The following TOGARAM2 variants were observed in gnomAD, a reference collection of about 807,000 sequenced individuals.
TOGARAM2 encodes TOG array regulator of axonemal microtubules protein 2.
Under a neutral mutation model 93.3 loss-of-function variants are expected in TOGARAM2, and 85 were observed. That is an observed-to-expected ratio of 0.91 (90% CI 0.76 to 1.09). TOGARAM2 has a LOEUF of 1.09. TOGARAM2 is among the 50% of genes least tolerant of loss of function. The pLI is 0.00. For missense variants in TOGARAM2, 1,277 were observed against 1,334.5 expected, an observed-to-expected ratio of 0.96 and a Z score of 0.67; for synonymous variants, 593 against 552.8, an observed-to-expected ratio of 1.07 and a Z score of -1.02.
rs184999588 is a variant in TOGARAM2, at chr2:29,051,927, G to A, written c.2894G>A (p.Gly965Asp). ...RLSRSLQEHM[G>D]SRLLDFAASQ... is the part of the protein sequence containing the mutation. ...TCCAGGAGCCTCCAGGAGCACATGG[G>A]CTCCCGCCTGCTGGACTTTGCCGCC... Residue 965 changes from glycine to aspartate, a missense_variant, in exon 20 of 20, where the codon GGC (glycine) becomes GAC (aspartate). Coordinates refer to ENST00000379558, the MANE Select transcript of TOGARAM2 (RefSeq NM_199280.4). 7.4e-4 allele frequency: 1,179 copies of A among 1,598,416 alleles called. 1 individual carries two copies. Among genetic ancestry groups the A allele is most frequent in the Non-Finnish European group, 9.6e-4 (1,123 of 1,173,078 alleles).
At chr2:28,998,022 T>A (rs1011230766) in intron 2 of TOGARAM2, 121 bp from the exon 3 acceptor site, 2 of 615,258 alleles carry the variant, frequency 3.3e-6, no homozygotes, top group African/African-American at 1.9e-5. Context: ...ATGCCTTGGT[T>A]TTTTGGGCAG....
chr2:28,957,314 G>A (rs1034250330), intron 1 of TOGARAM2, among the ~76,000 whole-genome samples: 2 of 151,868 alleles, frequency 1.3e-5, no homozygotes, highest in Non-Finnish European at 2.9e-5. Flanking sequence ...TCCTGTAGCC[G>A]GGATTACAGG....
intron 1 of TOGARAM2, among the ~76,000 whole-genome samples, chr2:28,987,500 AG>A (rs1672521394): frequency 6.6e-6 from 1 of 152,174 alleles, no homozygotes; most frequent in African/African-American, 2.4e-5. Flanking sequence ...CATGTTAGCC[AG>A]GATAGTCTCG....
intron 16 of TOGARAM2, among the ~76,000 whole-genome samples, chr2:29,033,792 G>C (rs1009451408): frequency 2.6e-5 from 4 of 152,178 alleles, no homozygotes; most frequent in African/African-American, 9.7e-5. Context: ...GTAGAAGTTG[G>C]TTCCTGCAGT....
intron 13 of TOGARAM2, among the ~76,000 whole-genome samples, 195 bp downstream of exon 13, chr2:29,024,569 C>G (rs1665213634): frequency 6.6e-6 from 1 of 152,082 alleles, no homozygotes; most frequent in Non-Finnish European, 1.5e-5. Flanking sequence ...AAGAAGGGGC[C>G]CATCTCAGAC....
intron 9 of TOGARAM2, 86 bp from the exon 10 acceptor site, chr2:29,017,706 C>T: frequency 7.4e-7 from 1 of 1,359,698 alleles, no homozygotes; most frequent in South Asian, 1.6e-5. Context: ...CTACTTTGGC[C>T]AGCCATGGGT....
At chr2:29,016,667 G>A (rs564901949) in intron 8 of TOGARAM2, among the ~76,000 whole-genome samples, 12 of 152,262 alleles carry the variant, frequency 7.9e-5, no homozygotes, top group East Asian at 1.9e-4. Flanking sequence ...TCCTTGGCCC[G>A]GGTGATGTGG....
intron 1 of TOGARAM2, among the ~76,000 whole-genome samples, chr2:28,986,844 A>G (rs1160391803): frequency 1.3e-5 from 2 of 152,268 alleles, no homozygotes; most frequent in Admixed American, 6.5e-5. Flanking sequence ...TCAGCCTATT[A>G]AATGTTTCTC....
intron 14 of TOGARAM2, among the ~76,000 whole-genome samples, chr2:29,032,384 C>T (rs562977307): frequency 6.6e-6 from 1 of 152,318 alleles, no homozygotes; most frequent in East Asian, 1.9e-4. Context: ...ATCTGTTGAG[C>T]CCCAACGCAA....
chr2:29,004,704 G>A (rs1673523795), intron 6 of TOGARAM2, among the ~76,000 whole-genome samples: 1 of 151,484 alleles, frequency 6.6e-6, no homozygotes, highest in African/African-American at 2.4e-5. Flanking sequence ...ACAAGAGTGT[G>A]TGTGTCTGAG....
Position 29,036,707 on chromosome 2 carries a change from G to T in TOGARAM2, c.2585G>T (p.Gly862Val). 1.2e-6 allele frequency: 2 copies of T among 1,613,976 alleles called. No individual in the cohort carries two copies. Among genetic ancestry groups the T allele is most frequent in the Non-Finnish European group, 1.7e-6 (2 of 1,179,894 alleles). ...GACAACCTCAACTCCAAGAACTCAG[G>T]GATTTACGCTGCTGCCGTGGCTGTG... Reference protein sequence around the residue: ...VADNLNSKNSGIYAAAVAVLD... With the variant: ...VADNLNSKNSVIYAAAVAVLD... Residue 862 changes from glycine (G) to valine (V), a missense_variant, in exon 18 of 20, where the codon GGG (glycine) becomes GTG (valine). Coordinates refer to ENST00000379558, the MANE Select transcript of TOGARAM2 (RefSeq NM_199280.4).
At chr2:29,001,069 TCTCTGGCCCCCGGGCAGTGCTGGGGCTG>T (rs1340988904) in intron 4 of TOGARAM2, among the ~76,000 whole-genome samples, 1 of 152,140 alleles carries the variant, frequency 6.6e-6, no homozygotes. Context: ...GGGCCGGGGA[TCTCTGGCCCCCGGGCAGTGCTGGGGCTG>T]CTCTGGCCCC....
chr2:28,987,643 T>C (rs1307546311), intron 1 of TOGARAM2, among the ~76,000 whole-genome samples: 2 of 152,240 alleles, frequency 1.3e-5, no homozygotes, highest in African/African-American at 4.8e-5. Flanking sequence ...TACTGCATTA[T>C]TGCCATGAAC....
At chr2:28,986,167 C>G (rs1672457054) in intron 1 of TOGARAM2, among the ~76,000 whole-genome samples, 2 of 150,502 alleles carry the variant, frequency 1.3e-5, no homozygotes, top group African/African-American at 2.4e-5. Flanking sequence ...ATTAGGATGC[C>G]CTCGTGCAGT....
At chr2:29,024,078 A>G (rs1244333699) in intron 12 of TOGARAM2, 61 bp from the exon 13 acceptor site, 1 of 1,423,078 alleles carries the variant, frequency 7.0e-7, no homozygotes, top group African/African-American at 1.4e-5. Flanking sequence ...CCCATTTTCC[A>G]TGCGTCCCAG....
intron 1 of TOGARAM2, among the ~76,000 whole-genome samples, chr2:28,987,534 C>T (rs1166902103): frequency 2.6e-5 from 4 of 152,202 alleles, no homozygotes; most frequent in Non-Finnish European, 5.9e-5. Context: ...CGTGATCCGC[C>T]CACCTCGGCC....
At position 28,999,464 on chromosome 2, in the gene TOGARAM2, C is replaced by G. The variant is rs757426762; in HGVS notation, c.423C>G (p.Ser141=). ...RRLSEGLAAS[S]RASLDPGGGP... ...TCTCAGAGGGCTTGGCAGCGTCTTC[C>G]CGAGGTGAGCACTGGCCCCTGCCCA... is the stretch of plus-strand genomic sequence containing the variant. The change falls in exon 4 of 20, where the codon TCC becomes TCG. Residue 141 remains serine (S), a synonymous_variant. Coordinates refer to ENST00000379558, the MANE Select transcript of TOGARAM2 (RefSeq NM_199280.4). The G allele has an allele frequency of 1.2e-6, 2 of 1,601,558 alleles. No individual in the cohort carries two copies. The highest frequency in any genetic ancestry group is 2.3e-5 in the South Asian group (2 of 88,746).
At chr2:28,981,748 C>G (rs900348948) in intron 1 of TOGARAM2, among the ~76,000 whole-genome samples, 2 of 152,230 alleles carry the variant, frequency 1.3e-5, no homozygotes. Context: ...TGTGGCAGCT[C>G]TAGGGGAGGA....
intron 14 of TOGARAM2, among the ~76,000 whole-genome samples, chr2:29,029,841 G>A (rs1237055412): frequency 1.3e-5 from 2 of 151,922 alleles, no homozygotes; most frequent in African/African-American, 2.4e-5. Flanking sequence ...GCTGCAAATA[G>A]GGTTCAATGT....
Sources: allele counts gnomAD v4.1 joint callset (sites outside exome capture counted in the v4.1 genomes callset), GRCh38; gene constraint gnomAD v4.1.1; transcripts MANE v1.5; gene names NCBI Gene and HGNC (gene_info 2026-07-23, HGNC 2026-07-21).